The following SOCS2 variants were observed in gnomAD, a reference collection of about 807,000 sequenced individuals.
SOCS2 encodes the protein CIS-2.
A neutral mutation model predicts 18.6 loss-of-function variants in SOCS2; 10 were observed. That is an observed-to-expected ratio of 0.54 (90% CI 0.33 to 0.91). The LOEUF is 0.91. SOCS2 is among the 40% of genes least tolerant of loss of function. SOCS2 has a pLI of 0.02. For synonymous variants in SOCS2, 104 were observed against 104.0 expected (o/e 1.00, Z 0.00); for missense variants, 231 against 247.2 (o/e 0.93, Z 0.44).
rs1483530313 is a variant in SOCS2 at position 93,572,702 on chromosome 12, G to A, written c.-196G>A. 3.8e-6 allele frequency: 3 copies of A among 780,412 alleles called. No individual in the cohort carries two copies. The highest frequency in any genetic ancestry group is 5.3e-5 in the East Asian group (2 of 37,494). 48.3% of individuals were successfully genotyped at this position (780,412 alleles called of 1,614,324 possible). ...CTTTGTAGGCGATCAGTGGGTGACC[G>A]CGGCTGCGAGGGACTTTGTCATCCG... On this transcript the variant is annotated 5_prime_UTR_variant, in exon 1 of 2. Transcript: ENST00000551556. This position sits in a 1 kb window ranked among gnomAD's most constrained non-coding sequence, Gnocchi z 5.0.
the SOCS2 span, among the ~76,000 whole-genome samples, chr12:93,597,604 C>T: frequency 6.6e-6 from 1 of 152,202 alleles, no homozygotes; most frequent in South Asian, 2.1e-4. Context: ...GTGTGAGCCG[C>T]CATGCCCGAA....
upstream of SOCS2, chr12:93,570,674 C>A (rs543569890): frequency 6.6e-6 from 1 of 152,288 alleles, no homozygotes; most frequent in Non-Finnish European, 1.5e-5. Context: ...GGGTAGGGGG[C>A]AGGCTCCGGC....
the SOCS2 span, among the ~76,000 whole-genome samples, chr12:93,588,914 G>A: frequency 0.026 from 3,976 of 152,178 alleles, 129 homozygotes; most frequent in African/African-American, 0.076. Context: ...GAGCCACCGC[G>A]CCTGGCCTGA....
At chr12:93,571,854 A>T (rs1431518558), upstream of SOCS2, 6 of 184,632 alleles carry the variant, frequency 3.2e-5, no homozygotes, top group East Asian at 1.3e-3. Context: ...CCCCCGCCCC[A>T]TGTCCGCTGA....
At chr12:93,597,637 T>C in the SOCS2 span, among the ~76,000 whole-genome samples, 1 of 152,166 alleles carries the variant, frequency 6.6e-6, no homozygotes, top group African/African-American at 2.4e-5. Context: ...TTTTAAAAAA[T>C]AATTTTTTGT....
chr12:93,575,021 A>C lies in SOCS2; in HGVS notation c.439A>C (p.Thr147Pro), dbSNP rs1197746505. ...AGGTCCAGAAGCCCCCCGGAACGGC[A>C]CTGTTCACCTTTATCTGACCAAACC... Reference protein sequence around the residue: ...RTGPEAPRNGTVHLYLTKPLY... With the variant: ...RTGPEAPRNGPVHLYLTKPLY... The change falls in exon 2 of 2, where the codon ACT becomes CCT. Residue 147 changes from threonine to proline, a missense_variant. This residue lies in a region of SOCS2 where 122 missense variants were observed against 127.2 expected (regional missense o/e 0.96). Transcript: ENST00000551556. The C allele has an allele frequency of 2.5e-6, 4 of 1,613,764 alleles. No homozygotes were observed. The highest frequency in any genetic ancestry group is 3.4e-6 in the Non-Finnish European group (4 of 1,179,900).
At chr12:93,580,629 A>AG (rs1317578963), downstream of SOCS2, among the ~76,000 whole-genome samples, 1 of 151,556 alleles carries the variant, frequency 6.6e-6, no homozygotes, top group Admixed American at 6.6e-5. Context: ...AAAAAAAAAA[A>AG]AAAAAAAAAA....
the SOCS2 span, among the ~76,000 whole-genome samples, chr12:93,614,543 CTTTCTTTCTTTCTTTCTTT>C: frequency 1.5e-4 from 4 of 26,726 alleles, no homozygotes; most frequent in African/African-American, 7.3e-4. Context: ...TTCCTTCCTT[CTTTCTTTCTTTCTTTCTTT>C]CTTTCTTTCT....
chr12:93,586,454 C>T (rs17021352), downstream of SOCS2, among the ~76,000 whole-genome samples: 5,486 of 152,232 alleles, frequency 0.036, 280 homozygotes, highest in African/African-American at 0.11. Flanking sequence ...TAATTTACTT[C>T]TGAGGAAAAT....
the SOCS2 span, among the ~76,000 whole-genome samples, chr12:93,609,889 A>G: frequency 0.015 from 2,312 of 152,270 alleles, 71 homozygotes; most frequent in African/African-American, 0.053. Flanking sequence ...CAAGGTGCTG[A>G]TATCTGGAGA....
chr12:93,614,389 CTTTCTTTCTT>C, the SOCS2 span, among the ~76,000 whole-genome samples: 1 of 139,022 alleles, frequency 7.2e-6, no homozygotes, highest in Non-Finnish European at 1.5e-5. Flanking sequence ...TTCTTTCTTT[CTTTCTTTCTT>C]TCTTTCTTTC....
downstream of SOCS2, among the ~76,000 whole-genome samples, chr12:93,578,879 C>T (rs576961896): frequency 6.6e-6 from 1 of 152,286 alleles, no homozygotes; most frequent in African/African-American, 2.4e-5. Context: ...TCATATATTT[C>T]TTCCGCTGGG....
chr12:93,608,986 A>G, the SOCS2 span, among the ~76,000 whole-genome samples: 2 of 152,254 alleles, frequency 1.3e-5, no homozygotes, highest in African/African-American at 4.8e-5. Context: ...GAGGCCAAGC[A>G]TGCTGGCTCA....
chr12:93,621,092 G>T, the SOCS2 span, among the ~76,000 whole-genome samples: 1 of 152,174 alleles, frequency 6.6e-6, no homozygotes, highest in Non-Finnish European at 1.5e-5. Context: ...GCGACCAAGA[G>T]CTGAGCATAT....
chr12:93,616,236 C>G, the SOCS2 span, among the ~76,000 whole-genome samples: 1 of 152,318 alleles, frequency 6.6e-6, no homozygotes, highest in South Asian at 2.1e-4. Context: ...AGTTTATGTG[C>G]TCCATTGGGG....
At chr12:93,583,609 A>G (rs902655265), downstream of SOCS2, 3 of 152,166 alleles carry the variant, frequency 2.0e-5, no homozygotes, top group African/African-American at 7.2e-5. Flanking sequence ...TGTCTCAAGC[A>G]GAGGTGCATC....
At chr12:93,610,434 T>C in the SOCS2 span, among the ~76,000 whole-genome samples, 460 of 152,304 alleles carry the variant, frequency 3.0e-3, 4 homozygotes, top group African/African-American at 0.01. Flanking sequence ...GCCTGTGAGT[T>C]TGTATTTCTG....
chr12:93,623,235 T>A, the SOCS2 span, among the ~76,000 whole-genome samples: 1 of 152,090 alleles, frequency 6.6e-6, no homozygotes, highest in South Asian at 2.1e-4. Flanking sequence ...GAAGTTTTCC[T>A]CCTCTCACTC....
chr12:93,612,741 G>T, the SOCS2 span, among the ~76,000 whole-genome samples: 1 of 152,142 alleles, frequency 6.6e-6, no homozygotes, highest in African/African-American at 2.4e-5. Context: ...TGAAATGAAT[G>T]AACAAATGAA....
Sources: allele counts gnomAD v4.1 joint callset (sites outside exome capture counted in the v4.1 genomes callset), GRCh38; gene constraint gnomAD v4.1.1; regional missense constraint gnomAD v4.1.1; non-coding constraint Gnocchi (gnomAD v3.1); transcripts MANE v1.5; gene names NCBI Gene and HGNC (gene_info 2026-07-23, HGNC 2026-07-21).